Variants in NARS2 observed in about 807,000 individuals in gnomAD.
NARS2 encodes asparaginyl-tRNA synthetase.
Under a neutral mutation model 62.9 loss-of-function variants are expected in NARS2, and 60 were observed. The observed-to-expected ratio is 0.95, with a 90% CI of 0.77 to 1.18. The LOEUF (loss-of-function observed/expected upper bound fraction) is 1.18. Ranked by LOEUF, NARS2 falls within the 50% of genes most tolerant of loss-of-function variation. The pLI is 0.00. For missense variants in NARS2, 619 were observed against 576.4 expected (o/e 1.07, Z -0.76); for synonymous variants, 196 against 200.0 (o/e 0.98, Z 0.17).
At chr11:78,548,234 C>A (rs1855953341) in intron 5 of NARS2, among the ~76,000 whole-genome samples, 1 of 152,058 alleles carries the variant, frequency 6.6e-6, no homozygotes, top group Admixed American at 6.6e-5. Flanking sequence ...AAAAATAAAA[C>A]CAGCTATAGC....
Position 78,493,168 on chromosome 11 carries a change from A to G in NARS2, c.717T>C (p.Gly239=), listed in dbSNP as rs1042461178. The change falls in exon 7 of 14, where the codon GGT becomes GGC. Residue 239 remains glycine, a synonymous_variant. Transcript: ENST00000281038. ...GAGAATTTTCAGCTCGGAAGGTCGGACCAAAGGTAAACACTTGAGTAAAAG... is the reference window on the plus strand; with the variant it reads ...GAGAATTTTCAGCTCGGAAGGTCGGGCCAAAGGTAAACACTTGAGTAAAAG... ...SGAFTQVFTF[G]PTFRAENSQS... is the part of the protein sequence containing the mutation. 2.5e-6 allele frequency: 4 copies of G among 1,613,832 alleles called. No homozygotes were observed. In the Admixed American group the frequency reaches 6.7e-5, roughly 27 times the overall value.
chr11:78,484,641 C>G (rs1859497126), intron 7 of NARS2, among the ~76,000 whole-genome samples: 1 of 152,182 alleles, frequency 6.6e-6, no homozygotes. Flanking sequence ...AAAAGGTCAT[C>G]ATCACTGGTC....
chr11:78,574,661 C>A lies in NARS2; in HGVS notation c.-173G>T. On this transcript the variant is annotated 5_prime_UTR_variant, in exon 1 of 14. Coordinates refer to ENST00000281038, the MANE Select transcript of NARS2 (RefSeq NM_024678.6). ...TCCTTCAGGACTCCCAGCTCTGTCC[C>A]CACAGAACCTCTCCGCTTCCCACTT... The A allele has an allele frequency of 1.5e-6, 1 of 658,680 alleles. No homozygotes were observed. The highest frequency in any genetic ancestry group is 2.5e-6 in the Non-Finnish European group (1 of 397,380). The allele number at this position is 658,680 out of a possible 1,614,324, so 40.8% of individuals were successfully genotyped here. A position where few individuals can be genotyped will look rare whatever the true frequency, so the allele number is the denominator to read the frequency against.
intron 5 of NARS2, among the ~76,000 whole-genome samples, chr11:78,540,481 GAA>G (rs1855568361): frequency 2.5e-5 from 2 of 78,954 alleles, no homozygotes; most frequent in African/African-American, 5.8e-5. Context: ...ATCAACAATG[GAA>G]AACTTATTTG....
chr11:78,522,320 G>A (rs534172077), intron 6 of NARS2, among the ~76,000 whole-genome samples: 5 of 152,070 alleles, frequency 3.3e-5, no homozygotes, highest in Non-Finnish European at 7.4e-5. Flanking sequence ...CAGACAAAGA[G>A]CTTTCAGATA....
At chr11:78,527,586 T>G (rs1305582391) in intron 6 of NARS2, among the ~76,000 whole-genome samples, 1 of 152,242 alleles carries the variant, frequency 6.6e-6, no homozygotes, top group African/African-American at 2.4e-5. Context: ...TGACTTTCCA[T>G]TCTTCTAGCA....
At chr11:78,570,910 C>T (rs1856899231) in intron 2 of NARS2, among the ~76,000 whole-genome samples, 1 of 152,094 alleles carries the variant, frequency 6.6e-6, no homozygotes, top group African/African-American at 2.4e-5. Flanking sequence ...AGGCACGGGA[C>T]ACTATGGGAG....
At chr11:78,463,328 A>C (rs574017434) in intron 11 of NARS2, among the ~76,000 whole-genome samples, 49 of 152,324 alleles carry the variant, frequency 3.2e-4, no homozygotes, top group African/African-American at 1.1e-3. Flanking sequence ...CCAAAGTGCT[A>C]GGATTACAAA....
At chr11:78,506,877 C>G (rs1860520313) in intron 6 of NARS2, among the ~76,000 whole-genome samples, 1 of 152,148 alleles carries the variant, frequency 6.6e-6, no homozygotes, top group Non-Finnish European at 1.5e-5. Context: ...CTATGGAATA[C>G]CCGCAACTTC....
rs867113518 is a variant in NARS2, at chr11:78,545,684, G to A, written c.594+13855C>T. ...GGATTGCAGTTGTGCATGCCACTGT[G>A]GCCAGCTAATTTTTGTATTTTTAGT... On this transcript the variant is annotated intron_variant, in intron 5 of 13. Transcript: ENST00000281038. Among the ~76,000 whole-genome samples the A allele has an allele frequency of 2.6e-5, 4 of 151,946 alleles. No individual in the cohort carries two copies. The South Asian group carries it at 8.3e-4, about 32-fold the overall frequency.
At chr11:78,558,557 A>G (rs1274324980) in intron 5 of NARS2, 1 of 152,230 alleles carries the variant, frequency 6.6e-6, no homozygotes, top group Non-Finnish European at 1.5e-5. Flanking sequence ...ACCACTCATG[A>G]TCATACCATT....
chr11:78,542,287 A>G (rs1416375263), intron 5 of NARS2, among the ~76,000 whole-genome samples: 3 of 152,242 alleles, frequency 2.0e-5, no homozygotes, highest in Non-Finnish European at 4.4e-5. Context: ...GGAGTCTAAT[A>G]TTAGAGGGTA....
intron 11 of NARS2, among the ~76,000 whole-genome samples, chr11:78,463,665 G>A (rs7110829): frequency 0.014 from 1,551 of 112,244 alleles, 26 homozygotes; most frequent in African/African-American, 0.048. Flanking sequence ...CAGCCTGGGT[G>A]ACAAGAGTGA....
At chr11:78,474,963 G>T (rs954371779) in intron 9 of NARS2, among the ~76,000 whole-genome samples, 2 of 151,762 alleles carry the variant, frequency 1.3e-5, no homozygotes, top group African/African-American at 4.8e-5. Flanking sequence ...GCAATTTTGA[G>T]ATATACATTA....
At chr11:78,505,533 C>T (rs895158350) in intron 6 of NARS2, among the ~76,000 whole-genome samples, 8 of 151,886 alleles carry the variant, frequency 5.3e-5, no homozygotes, top group Admixed American at 1.3e-4. Context: ...GTAATTCAAG[C>T]TCACAGGTTA....
In NARS2 at chr11:78,436,750, A is replaced by G. The variant is rs773503634; in HGVS notation, c.1354T>C (p.Tyr452His). 1.9e-6 allele frequency: 3 copies of G among 1,614,212 alleles called. No homozygotes were observed. The highest frequency in any genetic ancestry group is 2.5e-6 in the Non-Finnish European group (3 of 1,180,030). ...TCAACACCCAAGATGCACTGCAGGT[A>G]GCGTTCAAATCCCATCCCAAAACCT... ...HGGFGMGFER[Y>H]LQCILGVDNI... The change falls in exon 14 of 14, where the codon TAC (tyrosine) becomes CAC (histidine). Residue 452 changes from tyrosine to histidine, a missense_variant. By Grantham distance (83) the Tyr-to-His change is moderately conservative. Transcript: ENST00000281038.
intron 9 of NARS2, among the ~76,000 whole-genome samples, 190 bp from the exon 10 acceptor site, chr11:78,469,503 T>C (rs1231347032): frequency 1.3e-5 from 2 of 152,228 alleles, no homozygotes; most frequent in East Asian, 3.8e-4. Context: ...TAACCTCAAC[T>C]CCTCATCTAC....
chr11:78,498,372 C>A (rs931557071), intron 6 of NARS2, among the ~76,000 whole-genome samples: 1 of 152,182 alleles, frequency 6.6e-6, no homozygotes, highest in Non-Finnish European at 1.5e-5. Flanking sequence ...CTTTTACATG[C>A]CGCTTTAGCT....
chr11:78,497,706 T>C (rs141245037), intron 6 of NARS2, among the ~76,000 whole-genome samples: 2 of 152,202 alleles, frequency 1.3e-5, no homozygotes, highest in Non-Finnish European at 2.9e-5. Flanking sequence ...TATTTCTACA[T>C]GCCTAAAAGA....
Sources: allele counts gnomAD v4.1 joint callset (sites outside exome capture counted in the v4.1 genomes callset), GRCh38; gene constraint gnomAD v4.1.1; transcripts MANE v1.5; gene names NCBI Gene and HGNC (gene_info 2026-07-23, HGNC 2026-07-21).